Variants in SMYD3 observed in about 807,000 individuals in gnomAD.
SMYD3 encodes the protein histone-lysine N-methyltransferase SMYD3.
Under a neutral mutation model 57.7 loss-of-function variants are expected in SMYD3, and 36 were observed. That is an observed-to-expected ratio of 0.62 (90% CI 0.48 to 0.82). The LOEUF is 0.82. SMYD3 is among the 40% of genes least tolerant of loss of function. The pLI is 0.00. For synonymous variants in SMYD3, 211 were observed against 195.0 expected (o/e 1.08, Z -0.68); for missense variants, 515 against 538.8 (o/e 0.96, Z 0.44).
At chr1:245,817,985 C>T (rs1325816708) in intron 10 of SMYD3, among the ~76,000 whole-genome samples, 3 of 152,128 alleles carry the variant, frequency 2.0e-5, no homozygotes, top group Non-Finnish European at 2.9e-5. Context: ...AGGATATTAT[C>T]CAGGAGAACT....
intron 5 of SMYD3, among the ~76,000 whole-genome samples, chr1:246,015,098 G>A (rs572487397): frequency 7.2e-5 from 11 of 152,044 alleles, no homozygotes; most frequent in African/African-American, 1.7e-4. Flanking sequence ...TTCCTACCCC[G>A]TTAAAATCAT....
At chr1:246,071,332 G>C (rs1188659429) in intron 5 of SMYD3, among the ~76,000 whole-genome samples, 1 of 152,176 alleles carries the variant, frequency 6.6e-6, no homozygotes, top group Non-Finnish European at 1.5e-5. Context: ...AGGAGGGTAG[G>C]ACGGTGGGAG....
In SMYD3 at chr1:246,202,924, G is replaced by A. The variant is rs910816110; in HGVS notation, c.531+124277C>T. On this transcript the variant is annotated intron_variant, in intron 5 of 11. Transcript: ENST00000490107. This position sits in a 1 kb window ranked among gnomAD's most constrained non-coding sequence, Gnocchi z 4.1. The stretch of plus-strand genomic sequence containing the variant: ...GTGGATCACTTGAGGTCAGGAGTTC[G>A]AGACCAGCCTGGCCAATATGGGAAA... Among the ~76,000 whole-genome samples the A allele has an allele frequency of 2.6e-5, 4 of 151,964 alleles. 1 individual carries two copies. The highest frequency in any genetic ancestry group is 7.3e-5 in the African/African-American group (3 of 41,364).
At chr1:246,008,343 GAC>G (rs1407320563) in intron 5 of SMYD3, among the ~76,000 whole-genome samples, 1 of 152,208 alleles carries the variant, frequency 6.6e-6, no homozygotes, top group East Asian at 1.9e-4. Flanking sequence ...AAGGGCTCTT[GAC>G]ACATCCTGTA....
At chr1:245,996,095 C>G (rs1251522539) in intron 5 of SMYD3, among the ~76,000 whole-genome samples, 2 of 152,202 alleles carry the variant, frequency 1.3e-5, no homozygotes, top group African/African-American at 4.8e-5. Context: ...ACAACGAATG[C>G]CCAATGGAAG....
intron 2 of SMYD3, among the ~76,000 whole-genome samples, chr1:246,346,198 G>A (rs556685725): frequency 1.3e-4 from 20 of 152,164 alleles, no homozygotes; most frequent in African/African-American, 4.8e-4. Context: ...GCAGGAGAAT[G>A]GCGTGAATCC....
chr1:245,844,279 G>A (rs2050549224), intron 10 of SMYD3, among the ~76,000 whole-genome samples: 1 of 152,156 alleles, frequency 6.6e-6, no homozygotes, highest in African/African-American at 2.4e-5. Flanking sequence ...TCCTCAGCTA[G>A]AAACTGTCTA....
At chr1:246,117,181 C>G (rs1309581674) in intron 5 of SMYD3, among the ~76,000 whole-genome samples, 1 of 152,198 alleles carries the variant, frequency 6.6e-6, no homozygotes, top group Non-Finnish European at 1.5e-5. Flanking sequence ...TTCGCAGTAT[C>G]TGTATAAATG....
At chr1:246,010,853 G>T (rs1054116194) in intron 5 of SMYD3, among the ~76,000 whole-genome samples, 10 of 152,144 alleles carry the variant, frequency 6.6e-5, no homozygotes, top group Non-Finnish European at 1.3e-4. Context: ...AGCTAAAGAA[G>T]GTTAAGGAAA....
intron 5 of SMYD3, among the ~76,000 whole-genome samples, chr1:245,942,678 T>C (rs1303781420): frequency 6.6e-6 from 1 of 152,254 alleles, no homozygotes; most frequent in African/African-American, 2.4e-5. Flanking sequence ...CACATTCTTC[T>C]CTGTGCCACA....
intron 10 of SMYD3, among the ~76,000 whole-genome samples, chr1:245,793,756 C>T (rs545620052): frequency 7.9e-5 from 12 of 152,178 alleles, no homozygotes; most frequent in Admixed American, 2.0e-4. Flanking sequence ...CTTAGGCTAA[C>T]GTGCAAATCC....
At chr1:246,266,496 G>A (rs1423848377) in intron 5 of SMYD3, among the ~76,000 whole-genome samples, 1 of 152,080 alleles carries the variant, frequency 6.6e-6, no homozygotes, top group African/African-American at 2.4e-5. Context: ...ACGGTACCTG[G>A]TACAGAGTAG....
rs112807464 is a variant in SMYD3, at chr1:246,180,730, A to G, written c.531+146471T>C. ...GCTGAGATCGCACCACCACACTCCAAGCCTGGGCAACAGAGCAAGACTCTG... is the reference window on the plus strand; with the variant it reads ...GCTGAGATCGCACCACCACACTCCAGGCCTGGGCAACAGAGCAAGACTCTG... On this transcript the variant is annotated intron_variant, in intron 5 of 11. Transcript: ENST00000490107. Among the ~76,000 whole-genome samples the G allele has an allele frequency of 1.7e-3, 217 of 129,040 alleles. 1 individual carries two copies. The highest frequency in any genetic ancestry group is 6.0e-3 in the African/African-American group (201 of 33,770). The allele number at this position is 129,040 out of a possible 152,430, so 84.7% of individuals were successfully genotyped here. A position where few individuals can be genotyped will look rare whatever the true frequency, so the allele number is the denominator to read the frequency against.
rs188916425 is a variant in SMYD3 at position 245,814,494 on chromosome 1, C to T, written c.1076+44002G>A. The T allele has an allele frequency of 1.0e-2, 6,995 of 701,146 alleles. 39 individuals carry two copies. Among genetic ancestry groups the T allele is most frequent in the Non-Finnish European group, 0.011 (6,419 of 570,754 alleles). The allele number at this position is 701,146 out of a possible 1,614,324, so 43.4% of individuals were successfully genotyped here. A position where few individuals can be genotyped will look rare whatever the true frequency, so the allele number is the denominator to read the frequency against. Reference sequence around the variant, plus strand: ...TAAAATAAAAAGAATGCTACTGTTACACCACATACTTGTTTTAAAGTCTTG... The same window carrying T: ...TAAAATAAAAAGAATGCTACTGTTATACCACATACTTGTTTTAAAGTCTTG... On this transcript the variant is annotated intron_variant, in intron 10 of 11. Coordinates refer to ENST00000490107, the MANE Select transcript of SMYD3 (RefSeq NM_001167740.2).
rs371655191 is a variant in SMYD3, at chr1:246,106,843, C to T, written c.532-176906G>A. On this transcript the variant is annotated intron_variant, in intron 5 of 11. Coordinates refer to ENST00000490107, the MANE Select transcript of SMYD3 (RefSeq NM_001167740.2). The stretch of plus-strand genomic sequence containing the variant: ...GACAGAAAACCTGGGTGTAAAACAA[C>T]CTCTGATATGAACTACTAAGGGACT... Among the ~76,000 whole-genome samples, 6 of 152,104 alleles carry T rather than the reference C, an allele frequency of 3.9e-5. No homozygotes were observed. In the East Asian group the frequency reaches 5.8e-4, roughly 15 times the overall value.
chr1:245,950,786 A>G (rs1431860133), intron 5 of SMYD3, among the ~76,000 whole-genome samples: 1 of 152,238 alleles, frequency 6.6e-6, no homozygotes, highest in African/African-American at 2.4e-5. Context: ...ATCCATGCTC[A>G]GTTAAGCAGT....
intron 5 of SMYD3, among the ~76,000 whole-genome samples, chr1:246,319,662 T>C (rs2065216092): frequency 1.3e-5 from 2 of 152,232 alleles, no homozygotes; most frequent in Admixed American, 6.5e-5. Flanking sequence ...GACAAACATA[T>C]ACACACTCCT....
chr1:246,452,395 G>A (rs551711617), intron 1 of SMYD3, among the ~76,000 whole-genome samples: 1 of 152,218 alleles, frequency 6.6e-6, no homozygotes, highest in African/African-American at 2.4e-5. Flanking sequence ...CCAGCTACTG[G>A]GGAGGCTGAG....
chr1:246,038,964 G>A (rs1448218000), intron 5 of SMYD3, among the ~76,000 whole-genome samples: 1 of 152,086 alleles, frequency 6.6e-6, no homozygotes, highest in African/African-American at 2.4e-5. Flanking sequence ...AAAACACTGG[G>A]GAAAGGATGG....
Sources: gnomAD v4.1 joint callset for allele counts (sites outside exome capture counted in the v4.1 genomes callset) on GRCh38, gnomAD v4.1.1 for gene constraint, Gnocchi (gnomAD v3.1) non-coding constraint, MANE v1.5 for transcripts, NCBI Gene and HGNC (gene_info 2026-07-23, HGNC 2026-07-21) for gene names.